ANKS1B: variants seen among roughly 807,000 people sequenced by gnomAD.
The protein encoded by ANKS1B is ankyrin repeat and sterile alpha motif domain containing 1B.
ANKS1B carries 36 observed loss-of-function variants against 148.3 expected under a neutral mutation model. The ratio of observed to expected loss-of-function variants is 0.24; its 90% CI spans 0.19 to 0.32. ANKS1B has a LOEUF of 0.32. ANKS1B is among the 10% of genes least tolerant of loss of function. ANKS1B has a pLI of 1.00. For missense variants in ANKS1B, 1,157 were observed against 1,542.6 expected, an observed-to-expected ratio of 0.75 and a Z score of 4.19; for synonymous variants, 542 against 560.8, an observed-to-expected ratio of 0.97 and a Z score of 0.47.
intron 9 of ANKS1B, among the ~76,000 whole-genome samples, chr12:99,592,817 A>G (rs972888925): frequency 2.0e-5 from 3 of 152,096 alleles, no homozygotes; most frequent in Non-Finnish European, 2.9e-5. Context: ...TATACATTTT[A>G]GGGAGACAAA....
At chr12:99,982,931 A>G (rs553056161) in intron 1 of ANKS1B, among the ~76,000 whole-genome samples, 247 of 152,326 alleles carry the variant, frequency 1.6e-3, no homozygotes, top group African/African-American at 5.8e-3. Flanking sequence ...CTAGCCCTAT[A>G]ATTAATTGCA....
intron 15 of ANKS1B, among the ~76,000 whole-genome samples, chr12:99,086,493 G>T (rs780359596): frequency 2.6e-5 from 4 of 152,242 alleles, no homozygotes; most frequent in Admixed American, 6.5e-5. Context: ...GCCATGGACA[G>T]CTTTTAAGAA....
intron 16 of ANKS1B, among the ~76,000 whole-genome samples, chr12:99,067,176 A>G (rs112348992): frequency 0.02 from 3,107 of 152,358 alleles, 42 homozygotes; most frequent in African/African-American, 0.027. Flanking sequence ...AGTAGGCAGA[A>G]TTAGCACCAG....
intron 10 of ANKS1B, among the ~76,000 whole-genome samples, chr12:99,481,669 T>A (rs2096412928): frequency 6.6e-6 from 1 of 151,944 alleles, no homozygotes; most frequent in Admixed American, 6.6e-5. Flanking sequence ...AGTGAATAGG[T>A]GTTCCCCTTT....
At chr12:99,234,406 A>C (rs1479848863) in intron 14 of ANKS1B, among the ~76,000 whole-genome samples, 1 of 152,136 alleles carries the variant, frequency 6.6e-6, no homozygotes, top group African/African-American at 2.4e-5. Flanking sequence ...TGGTGCATTT[A>C]TCATGACCTG....
At chr12:98,818,437 G>A (rs1373048240) in intron 19 of ANKS1B, among the ~76,000 whole-genome samples, 4 of 152,126 alleles carry the variant, frequency 2.6e-5, no homozygotes, top group African/African-American at 9.7e-5. Context: ...AAATAGAGCA[G>A]AGGAAAAAAA....
At chr12:99,018,726 C>A (rs77746533) in intron 17 of ANKS1B, among the ~76,000 whole-genome samples, 2,185 of 152,198 alleles carry the variant, frequency 0.014, 49 homozygotes, top group African/African-American at 0.05. Context: ...GGCAGAGCAC[C>A]TGAGGTCAGG....
At chr12:99,050,226 T>G (rs1014850483) in intron 17 of ANKS1B, among the ~76,000 whole-genome samples, 29 of 152,198 alleles carry the variant, frequency 1.9e-4, no homozygotes, top group African/African-American at 7.0e-4. Flanking sequence ...TCAAAATCTT[T>G]GTAAGCCAAA....
chr12:99,549,157 C>T (rs1188059787), intron 9 of ANKS1B, among the ~76,000 whole-genome samples: 1 of 152,124 alleles, frequency 6.6e-6, no homozygotes, highest in Non-Finnish European at 1.5e-5. Context: ...AGAGCATCAA[C>T]CCATGTGAAC....
intron 10 of ANKS1B, among the ~76,000 whole-genome samples, chr12:99,468,995 G>A (rs1313222106): frequency 2.0e-5 from 3 of 152,070 alleles, no homozygotes; most frequent in Non-Finnish European, 4.4e-5. Context: ...GCACACGTAT[G>A]TTTATTGCAG....
At chr12:99,788,059 T>C (rs1048115484) in intron 4 of ANKS1B, among the ~76,000 whole-genome samples, 1 of 152,188 alleles carries the variant, frequency 6.6e-6, no homozygotes, top group Non-Finnish European at 1.5e-5. Flanking sequence ...ACACAAGGAC[T>C]GCAATTCCTA....
intron 9 of ANKS1B, among the ~76,000 whole-genome samples, chr12:99,550,899 CTTGA>C (rs1250126242): frequency 3.3e-5 from 5 of 152,080 alleles, no homozygotes; most frequent in African/African-American, 9.7e-5. Context: ...GCTGCTTATC[CTTGA>C]TTATCTTCCT....
chr12:99,116,985 G>C (rs1443665644), intron 15 of ANKS1B, among the ~76,000 whole-genome samples: 1 of 152,186 alleles, frequency 6.6e-6, no homozygotes, highest in African/African-American at 2.4e-5. Flanking sequence ...GTTCACTCAT[G>C]ATTTGGCTCT....
In ANKS1B at chr12:99,080,070, T is replaced by C. The variant is rs77195024; in HGVS notation, c.2625+4855A>G. ...CGGGAAGCCCCGCCCCCAGAATCTC[T>C]CCCTTAAATATACCGCTTTAAGGCT... On this transcript the variant is annotated intron_variant, in intron 16 of 26. Transcript: ENST00000683438. 4.0e-3 allele frequency: 614 copies of C among 152,386 alleles called. 24 individuals carry two copies. In the East Asian group the frequency reaches 0.084, roughly 21 times the overall value. The allele number at this position is 152,386 out of a possible 1,614,324, so 9.4% of individuals were successfully genotyped here.
chr12:99,605,625 T>C (rs530679012), intron 9 of ANKS1B, among the ~76,000 whole-genome samples: 2 of 152,246 alleles, frequency 1.3e-5, no homozygotes, highest in Admixed American at 6.5e-5. Flanking sequence ...TAACATAATG[T>C]TTTCCAGCCT....
intron 22 of ANKS1B, chr12:98,795,549 C>A (rs1281411631): frequency 4.8e-6 from 2 of 420,138 alleles, no homozygotes; most frequent in Non-Finnish European, 9.2e-6. Context: ...GCAGAGGAAT[C>A]CCAGTGCCTT....
At chr12:99,055,131 C>A (rs542072646) in intron 16 of ANKS1B, among the ~76,000 whole-genome samples, 1 of 152,154 alleles carries the variant, frequency 6.6e-6, no homozygotes, top group African/African-American at 2.4e-5. Context: ...CATAGATATT[C>A]GGTAGCTTCA....
At chr12:99,885,980 C>T (rs1250714040) in intron 1 of ANKS1B, among the ~76,000 whole-genome samples, 1 of 152,094 alleles carries the variant, frequency 6.6e-6, no homozygotes, top group Admixed American at 6.6e-5. Context: ...TGTATATATA[C>T]CACATTTTCT....
rs571942743 is a variant in ANKS1B, at chr12:99,255,375, T to C, written c.1757-8511A>G. Reference sequence around the variant, plus strand: ...TAGGTTTATTTGTGCCTTTTTATCTTGATCATTTTGACTGGAAAGTGCATC... The same window carrying C: ...TAGGTTTATTTGTGCCTTTTTATCTCGATCATTTTGACTGGAAAGTGCATC... On this transcript the variant is annotated intron_variant, in intron 12 of 26. Coordinates refer to ENST00000683438, the MANE Select transcript of ANKS1B (RefSeq NM_001352186.2). 4.6e-5 allele frequency among the ~76,000 whole-genome samples: 7 copies of C among 152,240 alleles called. No individual in the cohort carries two copies. In the East Asian group the frequency reaches 5.8e-4, roughly 13 times the overall value.
Sources: allele counts gnomAD v4.1 joint callset (sites outside exome capture counted in the v4.1 genomes callset), GRCh38; gene constraint gnomAD v4.1.1; transcripts MANE v1.5; gene names NCBI Gene and HGNC (gene_info 2026-07-23, HGNC 2026-07-21).